Variants in HS6ST3 observed in about 807,000 individuals in gnomAD.
The protein encoded by HS6ST3 is heparan-sulfate 6-O-sulfotransferase 3.
HS6ST3 carries 12 observed loss-of-function variants against 36.7 expected under a neutral mutation model. The observed-to-expected ratio is 0.33, with a 90% CI of 0.21 to 0.53. HS6ST3 has a LOEUF of 0.53. Ranked by LOEUF, HS6ST3 falls within the 20% of genes least tolerant of loss-of-function variation. HS6ST3 has a pLI of 0.95. For missense variants in HS6ST3, 584 were observed against 640.9 expected, an observed-to-expected ratio of 0.91 and a Z score of 0.96; for synonymous variants, 240 against 257.5, an observed-to-expected ratio of 0.93 and a Z score of 0.65.
chr13:96,478,014 C>T (rs1401427935), intron 1 of HS6ST3, among the ~76,000 whole-genome samples: 2 of 152,050 alleles, frequency 1.3e-5, no homozygotes, highest in East Asian at 1.9e-4. Flanking sequence ...AACAAAGTAT[C>T]AAGAAGAGAA....
intron 1 of HS6ST3, among the ~76,000 whole-genome samples, chr13:96,093,189 A>C (rs990641269): frequency 6.6e-6 from 1 of 152,110 alleles, no homozygotes; most frequent in African/African-American, 2.4e-5. Context: ...ATTGATTATC[A>C]CATAGAAATG....
At chr13:96,419,492 G>A (rs1451064755) in intron 1 of HS6ST3, among the ~76,000 whole-genome samples, 1 of 152,196 alleles carries the variant, frequency 6.6e-6, no homozygotes, top group Non-Finnish European at 1.5e-5. Flanking sequence ...GATAAATGGA[G>A]GTAGATAGAT....
At chr13:96,531,720 C>A (rs1448517255) in intron 1 of HS6ST3, among the ~76,000 whole-genome samples, 9 of 152,196 alleles carry the variant, frequency 5.9e-5, no homozygotes, top group Admixed American at 5.9e-4. Flanking sequence ...GTAACAGCAA[C>A]CATCACCACT....
chr13:96,612,793 G>C (rs554790682), intron 1 of HS6ST3, among the ~76,000 whole-genome samples: 2 of 152,026 alleles, frequency 1.3e-5, no homozygotes, highest in Non-Finnish European at 2.9e-5. Context: ...CAGAGTGCAC[G>C]GTACAGTCTT....
intron 1 of HS6ST3, among the ~76,000 whole-genome samples, chr13:96,204,485 G>T (rs574902277): frequency 6.6e-6 from 1 of 152,030 alleles, no homozygotes; most frequent in African/African-American, 2.4e-5. Flanking sequence ...CTGAACTCAG[G>T]TCTGGGTCAA....
chr13:96,456,602 T>A (rs757736510), intron 1 of HS6ST3, among the ~76,000 whole-genome samples: 1 of 152,314 alleles, frequency 6.6e-6, no homozygotes, highest in South Asian at 2.1e-4. Context: ...GATTTTAAGT[T>A]CCTAGAAGAT....
At chr13:96,529,407 T>C (rs1358257603) in intron 1 of HS6ST3, among the ~76,000 whole-genome samples, 1 of 152,142 alleles carries the variant, frequency 6.6e-6, no homozygotes, top group Admixed American at 6.5e-5. Context: ...ATGCATTGGA[T>C]TCAGATATAT....
chr13:96,224,638 A>G (rs1423720012), intron 1 of HS6ST3, among the ~76,000 whole-genome samples: 2 of 152,242 alleles, frequency 1.3e-5, no homozygotes, highest in African/African-American at 4.8e-5. Flanking sequence ...TTAGAAATTA[A>G]CAAAACAACC....
intron 1 of HS6ST3, among the ~76,000 whole-genome samples, chr13:96,659,999 G>A (rs550873278): frequency 4.7e-4 from 71 of 152,168 alleles, no homozygotes; most frequent in Non-Finnish European, 7.9e-4. Context: ...ATTTATAGAT[G>A]CACTAATATT....
At chr13:96,722,251 C>T (rs982493827) in intron 1 of HS6ST3, among the ~76,000 whole-genome samples, 13 of 151,720 alleles carry the variant, frequency 8.6e-5, no homozygotes, top group Non-Finnish European at 1.5e-4. Flanking sequence ...GGAAACAGAG[C>T]GAGATTCCGT....
At chr13:96,143,626 A>C (rs2054042622) in intron 1 of HS6ST3, among the ~76,000 whole-genome samples, 1 of 151,980 alleles carries the variant, frequency 6.6e-6, no homozygotes, top group Admixed American at 6.6e-5. Context: ...TAAAATGATT[A>C]CCATTTACCA....
chr13:96,194,318 T>C (rs1249914442), intron 1 of HS6ST3, among the ~76,000 whole-genome samples: 1 of 98,386 alleles, frequency 1.0e-5, no homozygotes, highest in Non-Finnish European at 2.0e-5. Context: ...TGAAGATATT[T>C]AGCTCTGGCC....
chr13:96,163,673 G>C (rs1481579061), intron 1 of HS6ST3, among the ~76,000 whole-genome samples: 1 of 151,974 alleles, frequency 6.6e-6, no homozygotes, highest in African/African-American at 2.4e-5. Context: ...ATAATGATAG[G>C]TATAATGATA....
At chr13:96,330,528 T>C (rs1433413720) in intron 1 of HS6ST3, among the ~76,000 whole-genome samples, 2 of 152,128 alleles carry the variant, frequency 1.3e-5, no homozygotes, top group African/African-American at 4.8e-5. Context: ...TCTTCTGGCT[T>C]GTAGGGTTTC....
At chr13:96,143,333 C>T (rs1471330974) in intron 1 of HS6ST3, among the ~76,000 whole-genome samples, 2 of 150,936 alleles carry the variant, frequency 1.3e-5, no homozygotes, top group East Asian at 1.9e-4. Flanking sequence ...TGTATTTAGG[C>T]TGATTATCTG....
chr13:96,321,407 T>A (rs2055002368), intron 1 of HS6ST3, among the ~76,000 whole-genome samples: 1 of 152,176 alleles, frequency 6.6e-6, no homozygotes, highest in South Asian at 2.1e-4. Context: ...GATGATTTTT[T>A]TTCCTCCAGT....
At chr13:96,424,695 G>T (rs1206659137) in intron 1 of HS6ST3, among the ~76,000 whole-genome samples, 2 of 152,092 alleles carry the variant, frequency 1.3e-5, no homozygotes, top group Admixed American at 1.3e-4. Flanking sequence ...TCTTTTATAA[G>T]GGCACCGGTC....
chr13:96,173,234 T>C (rs886553954), intron 1 of HS6ST3, among the ~76,000 whole-genome samples: 2 of 152,176 alleles, frequency 1.3e-5, no homozygotes, highest in African/African-American at 4.8e-5. Flanking sequence ...TAGGTGTGAT[T>C]ATCATCATTT....
intron 1 of HS6ST3, among the ~76,000 whole-genome samples, chr13:96,157,329 A>T (rs1255425441): frequency 6.6e-6 from 1 of 152,224 alleles, no homozygotes; most frequent in East Asian, 1.9e-4. Flanking sequence ...CCTAAAGTTT[A>T]GAAATGAGGA....
Sources: allele counts gnomAD v4.1 joint callset (sites outside exome capture counted in the v4.1 genomes callset), GRCh38; gene constraint gnomAD v4.1.1; transcripts MANE v1.5; gene names NCBI Gene and HGNC (gene_info 2026-07-23, HGNC 2026-07-21).